The following PHF14 variants were observed in gnomAD, a reference collection of about 807,000 sequenced individuals.
PHF14 encodes the protein PHD finger protein 14.
Under a neutral mutation model 117.9 loss-of-function variants are expected in PHF14, and 55 were observed. The ratio of observed to expected loss-of-function variants is 0.47; its 90% CI spans 0.38 to 0.58. The LOEUF (loss-of-function observed/expected upper bound fraction) is 0.58, where lower values mean the gene tolerates loss of function less well. PHF14 is among the 20% of genes least tolerant of loss of function. The pLI is 0.00. For missense variants in PHF14, 978 were observed against 1,122.2 expected (o/e 0.87, Z 1.84); for synonymous variants, 409 against 368.6 (o/e 1.11, Z -1.26).
At chr7:11,001,549 A>C (rs1022252588) in intron 4 of PHF14, among the ~76,000 whole-genome samples, 2 of 152,108 alleles carry the variant, frequency 1.3e-5, no homozygotes, top group African/African-American at 4.8e-5. Flanking sequence ...TTATTTATTT[A>C]GTTCTTTGAT....
intron 16 of PHF14, among the ~76,000 whole-genome samples, chr7:11,073,608 G>T (rs1785708433): frequency 1.3e-5 from 2 of 152,166 alleles, no homozygotes; most frequent in South Asian, 4.1e-4. Context: ...CCATTCTAAG[G>T]TCTGGAAGGC....
chr7:11,087,468 G>T (rs935001488), intron 16 of PHF14, among the ~76,000 whole-genome samples: 3 of 152,114 alleles, frequency 2.0e-5, no homozygotes, highest in African/African-American at 7.2e-5. Flanking sequence ...GGGGTTACAG[G>T]CATGAGCCAC....
At chr7:10,981,098 G>A (rs1250558545) in intron 2 of PHF14, among the ~76,000 whole-genome samples, 2 of 152,072 alleles carry the variant, frequency 1.3e-5, no homozygotes, top group Non-Finnish European at 2.9e-5. Flanking sequence ...GCAGTCATTT[G>A]TATGTGACTT....
intron 3 of PHF14, among the ~76,000 whole-genome samples, chr7:10,986,100 C>T (rs527940974): frequency 1.3e-5 from 2 of 151,814 alleles, no homozygotes; most frequent in Admixed American, 6.6e-5. Context: ...TTTGGAGTAG[C>T]TGAGACTACA....
At chr7:11,107,686 TAATC>T (rs1214290730) in intron 16 of PHF14, 1 of 665,198 alleles carries the variant, frequency 1.5e-6, no homozygotes, top group Non-Finnish European at 1.9e-6. Context: ...ATTCGTATAA[TAATC>T]TGTTTTTATT....
At chr7:11,141,449 G>A (rs1185557444) in intron 17 of PHF14, among the ~76,000 whole-genome samples, 1 of 152,006 alleles carries the variant, frequency 6.6e-6, no homozygotes, top group Non-Finnish European at 1.5e-5. Context: ...CTCTTACAGT[G>A]CCTACACAAT....
intron 16 of PHF14, among the ~76,000 whole-genome samples, chr7:11,075,574 T>TA (rs1043479822): frequency 6.8e-6 from 1 of 147,660 alleles, no homozygotes; most frequent in African/African-American, 2.5e-5. Flanking sequence ...GTTTTTTTTT[T>TA]TTTTTTTTTT....
At chr7:11,036,240 T>G (rs1254800759) in intron 8 of PHF14, among the ~76,000 whole-genome samples, 178 bp from the exon 9 acceptor site, 2 of 152,190 alleles carry the variant, frequency 1.3e-5, no homozygotes, top group African/African-American at 4.8e-5. Context: ...AGATATAGTT[T>G]ATTGTAACTC....
intron 17 of PHF14, among the ~76,000 whole-genome samples, chr7:11,166,752 A>G (rs1268664611): frequency 6.6e-6 from 1 of 152,158 alleles, no homozygotes; most frequent in African/African-American, 2.4e-5. Flanking sequence ...TAAAAGGAAG[A>G]AAGAGATTGG....
chr7:11,030,332 A>G (rs901293187), intron 7 of PHF14, among the ~76,000 whole-genome samples: 7 of 152,122 alleles, frequency 4.6e-5, no homozygotes, highest in Non-Finnish European at 8.8e-5. Flanking sequence ...TTAGTTGTCT[A>G]CTTCTGGAAA....
At chr7:11,147,847 T>C (rs1213997812) in intron 17 of PHF14, among the ~76,000 whole-genome samples, 1 of 152,126 alleles carries the variant, frequency 6.6e-6, no homozygotes, top group Non-Finnish European at 1.5e-5. Flanking sequence ...AGATCTAAAT[T>C]CATATATTCA....
chr7:11,105,224 A>G (rs1583469544), intron 16 of PHF14: 1 of 960,262 alleles, frequency 1.0e-6, no homozygotes, highest in Non-Finnish European at 1.2e-6. Context: ...AATTATATTT[A>G]TGCATTGTTT....
intron 17 of PHF14, among the ~76,000 whole-genome samples, chr7:11,129,889 T>C (rs898163470): frequency 6.6e-6 from 1 of 152,038 alleles, no homozygotes; most frequent in Non-Finnish European, 1.5e-5. Flanking sequence ...GTAGGATGAT[T>C]GCTTTCAGCA....
chr7:11,071,722 C>T (rs1379918971), intron 16 of PHF14, among the ~76,000 whole-genome samples: 1 of 152,158 alleles, frequency 6.6e-6, no homozygotes, highest in African/African-American at 2.4e-5. Flanking sequence ...GTTCTTTTGT[C>T]ACTGGTTTCT....
At chr7:10,981,433 T>C (rs1429301836) in intron 2 of PHF14, among the ~76,000 whole-genome samples, 1 of 152,190 alleles carries the variant, frequency 6.6e-6, no homozygotes, top group Non-Finnish European at 1.5e-5. Context: ...AAAGAATGAT[T>C]ACTGAGTACT....
chr7:11,085,630 C>A (rs1216120283), intron 16 of PHF14, among the ~76,000 whole-genome samples: 3 of 152,124 alleles, frequency 2.0e-5, no homozygotes, highest in Non-Finnish European at 4.4e-5. Context: ...AAAACACTAT[C>A]TTTTCTTGGT....
intron 17 of PHF14, among the ~76,000 whole-genome samples, chr7:11,169,045 C>CA (rs1034026499): frequency 6.6e-5 from 10 of 151,258 alleles, no homozygotes; most frequent in South Asian, 2.1e-4. Context: ...CTAGATGGGG[C>CA]AAAAAAATGC....
At chr7:11,104,071 C>G (rs1167461950) in intron 16 of PHF14, 1 of 984,568 alleles carries the variant, frequency 1.0e-6, no homozygotes. Context: ...GACCATGGCC[C>G]TCTTTTAATA....
rs1784478305 is a variant in PHF14, at chr7:11,040,783, A to G, written c.2180+8A>G. 2.3e-6 allele frequency: 3 copies of G among 1,307,194 alleles called. No individual in the cohort carries two copies. The African/African-American group carries it at 4.5e-5, about 20-fold the overall frequency. The allele number at this position is 1,307,194 out of a possible 1,614,324, so 81.0% of individuals were successfully genotyped here. The stretch of plus-strand genomic sequence containing the variant: ...TCCTGCAGTACTTTATAGGCAAGTA[A>G]TGAAATTAATAATGATAGAATAATG... On this transcript the variant is annotated splice_region_variant and intron_variant, in intron 12 of 17. Coordinates refer to ENST00000634607, the MANE Select transcript of PHF14 (RefSeq NM_001007157.2).
Sources: allele counts gnomAD v4.1 joint callset (sites outside exome capture counted in the v4.1 genomes callset), GRCh38; gene constraint gnomAD v4.1.1; transcripts MANE v1.5; gene names NCBI Gene and HGNC (gene_info 2026-07-23, HGNC 2026-07-21).